SLCO3A1: variants seen among roughly 807,000 people sequenced by gnomAD.
SLCO3A1 encodes PGE1 transporter.
Under a neutral mutation model 63.1 loss-of-function variants are expected in SLCO3A1, and 27 were observed. The observed-to-expected ratio is 0.43, with a 90% CI of 0.32 to 0.59. The LOEUF (loss-of-function observed/expected upper bound fraction) is 0.59, where lower values mean the gene tolerates loss of function less well. SLCO3A1 is among the 20% of genes least tolerant of loss of function. SLCO3A1 has a pLI of 0.09. For missense variants in SLCO3A1, 773 were observed against 945.8 expected, an observed-to-expected ratio of 0.82 and a Z score of 2.40; for synonymous variants, 473 against 409.9, an observed-to-expected ratio of 1.15 and a Z score of -1.86.
chr15:92,012,745 A>T (rs1372228068), intron 2 of SLCO3A1, among the ~76,000 whole-genome samples: 1 of 54,680 alleles, frequency 1.8e-5, no homozygotes, highest in African/African-American at 1.7e-4. Context: ...TCTAATTTAA[A>T]AAAAAAAAAA....
chr15:91,869,557 G>T (rs1939088246), intron 1 of SLCO3A1, among the ~76,000 whole-genome samples: 1 of 151,752 alleles, frequency 6.6e-6, no homozygotes, highest in African/African-American at 2.4e-5. Flanking sequence ...GCTGGGTGTG[G>T]TGCTGCATGC....
chr15:92,038,582 ACT>A (rs2046756052), intron 2 of SLCO3A1, among the ~76,000 whole-genome samples: 1 of 152,194 alleles, frequency 6.6e-6, no homozygotes, highest in Non-Finnish European at 1.5e-5. Context: ...GCTACAAACC[ACT>A]GCCCAAGAAA....
intron 2 of SLCO3A1, among the ~76,000 whole-genome samples, chr15:91,974,265 G>GTTGTTGTTGTTTATTATTATTA: frequency 7.0e-6 from 1 of 142,958 alleles, no homozygotes; most frequent in East Asian, 2.0e-4. Context: ...TTTCATTATT[G>GTTGTTGTTGTTTATTATTATTA]TTATTATTAT....
Position 92,120,368 on chromosome 15 carries a change from G to A in SLCO3A1, c.1010-97G>A. On this transcript the variant is annotated intron_variant, in intron 4 of 9. Transcript: ENST00000318445. ...GGATGCTGTTTGCTGAAATGGACAA[G>A]AGCGGGCCAAGAAGGGGCCTTAGGA... 2.3e-6 allele frequency: 3 copies of A among 1,284,534 alleles called. No homozygotes were observed. In the South Asian group the frequency reaches 4.2e-5, roughly 18 times the overall value. 79.6% of individuals were successfully genotyped at this position (1,284,534 alleles called of 1,614,324 possible).
intron 2 of SLCO3A1, among the ~76,000 whole-genome samples, chr15:91,922,769 T>G (rs140528092): frequency 1.3e-5 from 2 of 152,360 alleles, no homozygotes; most frequent in East Asian, 3.9e-4. Flanking sequence ...TTCGTTAATT[T>G]CTTTTTCTAA....
intron 4 of SLCO3A1, among the ~76,000 whole-genome samples, chr15:92,108,850 C>T (rs2047695893): frequency 6.6e-6 from 1 of 152,076 alleles, no homozygotes; most frequent in Non-Finnish European, 1.5e-5. Context: ...TGTGTACCTG[C>T]CCCTGTGTAC....
In SLCO3A1 at chr15:92,143,456, TA is replaced by T. The variant is rs1567143152; in HGVS notation, c.1513-3527del. Among the ~76,000 whole-genome samples, 18 of 15,670 alleles carry T rather than the reference TA, an allele frequency of 1.1e-3. 7 individuals carry two copies. Among genetic ancestry groups the T allele is most frequent in the African/African-American group, 9.3e-3 (17 of 1,820 alleles). The allele number at this position is 15,670 out of a possible 152,430, so 10.3% of individuals were successfully genotyped here. On this transcript the variant is annotated intron_variant, in intron 7 of 9. Coordinates refer to ENST00000318445, the MANE Select transcript of SLCO3A1 (RefSeq NM_013272.4). ...ATATATATAATATATATATAATATA[TA>T]TAATATATATAAATATATATATATA...
chr15:91,919,717 G>A (rs2151381919), intron 2 of SLCO3A1, among the ~76,000 whole-genome samples: 1 of 151,850 alleles, frequency 6.6e-6, no homozygotes, highest in Non-Finnish European at 1.5e-5. Context: ...TAAGTAGGAT[G>A]ATGGAATGGG....
chr15:92,146,834 A>T, intron 7 of SLCO3A1, 150 bp from the exon 8 acceptor site: 1 of 656,690 alleles, frequency 1.5e-6, no homozygotes, highest in Non-Finnish European at 2.5e-6. Context: ...CAGCCTCCTT[A>T]AAAAAGCTAA....
chr15:91,928,458 C>T (rs1170222530), intron 2 of SLCO3A1, among the ~76,000 whole-genome samples: 1 of 152,144 alleles, frequency 6.6e-6, no homozygotes, highest in Non-Finnish European at 1.5e-5. Flanking sequence ...GTCTGGTCTC[C>T]GTTATCCCAA....
intron 2 of SLCO3A1, among the ~76,000 whole-genome samples, chr15:91,940,997 G>A (rs1899601162): frequency 6.6e-6 from 1 of 152,148 alleles, no homozygotes; most frequent in African/African-American, 2.4e-5. Context: ...TGCCGTTTTA[G>A]GAGGGTGATT....
Position 91,912,448 on chromosome 15 carries a change from G to C in SLCO3A1, c.181-3545G>C, listed in dbSNP as rs1373312455. Among the ~76,000 whole-genome samples, 2 of 152,196 alleles carry C rather than the reference G, an allele frequency of 1.3e-5. No individual in the cohort carries two copies. The highest frequency in any genetic ancestry group is 1.3e-4 in the Admixed American group (2 of 15,282). On this transcript the variant is annotated intron_variant, in intron 1 of 9. Coordinates refer to ENST00000318445, the MANE Select transcript of SLCO3A1 (RefSeq NM_013272.4). This position sits in a 1 kb window ranked among gnomAD's most constrained non-coding sequence, Gnocchi z 5.0. ...CTGTGCGTTGCTCTGCAAAGAGCAG[G>C]TGGGAGCCAGGACAAGAGCTGCAGG...
chr15:92,001,679 T>C (rs1236903185), intron 2 of SLCO3A1, among the ~76,000 whole-genome samples: 1 of 152,152 alleles, frequency 6.6e-6, no homozygotes, highest in African/African-American at 2.4e-5. Flanking sequence ...ATCAACACAG[T>C]AGGGTTTCCA....
At position 91,977,748 on chromosome 15, in the gene SLCO3A1, T is replaced by C. The variant is rs552407296; in HGVS notation, c.646+61290T>C. On this transcript the variant is annotated intron_variant, in intron 2 of 9. Coordinates refer to ENST00000318445, the MANE Select transcript of SLCO3A1 (RefSeq NM_013272.4). ...AAAAACACCTGTACCCCAAAAACTA[T>C]CAAAAGTTTTTATTTTGGACAATAG... Among the ~76,000 whole-genome samples, 46 of 152,246 alleles carry C rather than the reference T, an allele frequency of 3.0e-4. 2 individuals are homozygous for C. In the South Asian group the frequency reaches 7.0e-3, roughly 23 times the overall value.
chr15:91,906,015 T>G (rs1567179189), intron 1 of SLCO3A1, among the ~76,000 whole-genome samples: 1 of 152,202 alleles, frequency 6.6e-6, no homozygotes, highest in East Asian at 1.9e-4. Flanking sequence ...GCGTCAATCC[T>G]GGCTCTGCAC....
chr15:91,913,487 C>T (rs569886406), intron 1 of SLCO3A1, among the ~76,000 whole-genome samples: 2 of 152,206 alleles, frequency 1.3e-5, no homozygotes, highest in African/African-American at 2.4e-5. Flanking sequence ...TAGTGCTCCC[C>T]GAGTGCCTCC....
intron 2 of SLCO3A1, among the ~76,000 whole-genome samples, chr15:91,969,663 C>T (rs533857739): frequency 2.6e-5 from 4 of 152,180 alleles, no homozygotes; most frequent in Non-Finnish European, 4.4e-5. Context: ...TCTCCTTTTA[C>T]TTCATAACAC....
chr15:91,956,392 T>C (rs1354265812), intron 2 of SLCO3A1, among the ~76,000 whole-genome samples: 1 of 152,218 alleles, frequency 6.6e-6, no homozygotes, highest in Non-Finnish European at 1.5e-5. Context: ...GTTGGCCCGC[T>C]CTGTGGGTTT....
In SLCO3A1 at chr15:91,948,554, G is replaced by A. The variant is rs1899889503; in HGVS notation, c.646+32096G>A. On this transcript the variant is annotated intron_variant, in intron 2 of 9. Transcript: ENST00000318445. This position sits in a 1 kb window ranked among gnomAD's most constrained non-coding sequence, Gnocchi z 4.8. The stretch of plus-strand genomic sequence containing the variant: ...AGTGCAAGTCAGGAGAGGGCCGAAT[G>A]TGCACGAGACTCTGCAGGAAGGCTG... 1.3e-5 allele frequency among the ~76,000 whole-genome samples: 2 copies of A among 152,240 alleles called. No homozygotes were observed. Among genetic ancestry groups the A allele is most frequent in the Admixed American group, 1.3e-4 (2 of 15,284 alleles).
Sources: gnomAD v4.1 joint callset for allele counts (sites outside exome capture counted in the v4.1 genomes callset) on GRCh38, gnomAD v4.1.1 for gene constraint, Gnocchi (gnomAD v3.1) non-coding constraint, MANE v1.5 for transcripts, NCBI Gene and HGNC (gene_info 2026-07-23, HGNC 2026-07-21) for gene names.